Variants in DNAH17 observed in about 807,000 individuals in gnomAD.
DNAH17 encodes the protein axonemal beta dynein heavy chain 17.
A neutral mutation model predicts 485.6 loss-of-function variants in DNAH17; 376 were observed. That is an observed-to-expected ratio of 0.77 (90% CI 0.71 to 0.84). The LOEUF (loss-of-function observed/expected upper bound fraction) is 0.84. Among genes scored for constraint, DNAH17 ranks in the 40% least tolerant of loss-of-function variants. DNAH17 has a pLI of 0.00. For synonymous variants in DNAH17, 3,031 were observed against 2,405.9 expected (o/e 1.26, Z -7.60); for missense variants, 6,370 against 5,839.3 (o/e 1.09, Z -2.96).
intron 55 of DNAH17, among the ~76,000 whole-genome samples, 176 bp from the exon 56 acceptor site, chr17:78,466,992 G>C (rs115165105): frequency 6.6e-6 from 1 of 152,216 alleles, no homozygotes; most frequent in Non-Finnish European, 1.5e-5. Flanking sequence ...CATTGCCGTG[G>C]ATAAATGCTC....
intron 74 of DNAH17, among the ~76,000 whole-genome samples, chr17:78,436,109 A>G (rs1334304132): frequency 6.6e-6 from 1 of 152,202 alleles, no homozygotes; most frequent in Non-Finnish European, 1.5e-5. Flanking sequence ...CCATAAGTAG[A>G]TCTTTGTTAA....
At chr17:78,501,511 G>A (rs561724509) in intron 34 of DNAH17, 167 bp from the exon 35 acceptor site, 24 of 997,754 alleles carry the variant, frequency 2.4e-5, no homozygotes, top group South Asian at 1.7e-5. Context: ...ACCCTCAGTG[G>A]AATCTCGCTA....
At position 78,446,164 on chromosome 17, in the gene DNAH17, ACT is replaced by A. The variant is rs1262993311; in HGVS notation, c.11212-486_11212-485del. ...GCTCTAGCCTGGGCAACAGAGTGAG[ACT>A]CTGTCTCAAAAAAAAAAAAAAAAAA... On this transcript the variant is annotated intron_variant, in intron 69 of 80. Transcript: ENST00000389840. 1.5e-4 allele frequency among the ~76,000 whole-genome samples: 12 copies of A among 81,308 alleles called. No individual in the cohort carries two copies. In the South Asian group the frequency reaches 2.2e-3, roughly 15 times the overall value. The allele number at this position is 81,308 out of a possible 152,430, so 53.3% of individuals were successfully genotyped here.
intron 36 of DNAH17, 116 bp downstream of exon 36, chr17:78,500,189 C>T (rs767534424): frequency 1.5e-4 from 175 of 1,200,364 alleles, no homozygotes; most frequent in Non-Finnish European, 1.9e-4. Context: ...TCTCCAGTGC[C>T]ATTCACAGGT....
intron 25 of DNAH17, among the ~76,000 whole-genome samples, chr17:78,524,619 G>GT (rs199832824): frequency 1.3e-5 from 2 of 150,972 alleles, no homozygotes; most frequent in African/African-American, 4.9e-5. Flanking sequence ...GGAATAAAAT[G>GT]TTGTTTATGA....
intron 6 of DNAH17, 28 bp from the exon 7 acceptor site, chr17:78,570,400 G>A (rs2092334743): frequency 6.2e-7 from 1 of 1,601,848 alleles, no homozygotes; most frequent in Admixed American, 1.7e-5. Flanking sequence ...CAGGCACACT[G>A]GAGGGGACTG....
intron 29 of DNAH17, 134 bp from the exon 30 acceptor site, chr17:78,506,980 A>C (rs904277748): frequency 2.3e-6 from 3 of 1,324,142 alleles, no homozygotes; most frequent in Non-Finnish European, 2.1e-6. Context: ...GGTTTAATTC[A>C]GAATCTCCTA....
At position 78,511,118 on chromosome 17, in the gene DNAH17, T is replaced by TTTTC. The variant is rs1186359806; in HGVS notation, c.4114-616_4114-613dup. ...AGCACTGTGAGAAAACACAGGTCTG[T>TTTTC]TTTCTTTCTTTCTTTTGAGACAGAG... On this transcript the variant is annotated intron_variant, in intron 26 of 80. Coordinates refer to ENST00000389840, the MANE Select transcript of DNAH17 (RefSeq NM_173628.4). Among the ~76,000 whole-genome samples the TTTTC allele has an allele frequency of 2.0e-5, 3 of 152,240 alleles. No individual in the cohort carries two copies. In the East Asian group the frequency reaches 5.8e-4, roughly 29 times the overall value.
chr17:78,520,140 A>G (rs1568189821), intron 25 of DNAH17, among the ~76,000 whole-genome samples: 1 of 152,164 alleles, frequency 6.6e-6, no homozygotes. Flanking sequence ...GTAATCAATT[A>G]TCTTAGCAGA....
At chr17:78,560,983 G>C (rs1386101312) in intron 12 of DNAH17, 48 bp from the exon 13 acceptor site, 1 of 1,508,380 alleles carries the variant, frequency 6.6e-7, no homozygotes. Context: ...TCTCCTGTGG[G>C]GTGTCTTCGG....
intron 17 of DNAH17, among the ~76,000 whole-genome samples, chr17:78,540,247 G>A (rs1168895424): frequency 7.1e-6 from 1 of 141,172 alleles, no homozygotes; most frequent in Non-Finnish European, 1.5e-5. Flanking sequence ...CCCTTTTGAT[G>A]CCCAAATTCA....
intron 49 of DNAH17, among the ~76,000 whole-genome samples, chr17:78,480,052 A>T (rs72925865): frequency 2.5e-5 from 2 of 81,242 alleles, no homozygotes; most frequent in African/African-American, 3.6e-5. Flanking sequence ...TTTTTTTTAA[A>T]AAAAGTATGT....
chr17:78,569,865 C>T (rs973436816), intron 7 of DNAH17, among the ~76,000 whole-genome samples: 20 of 152,116 alleles, frequency 1.3e-4, no homozygotes, highest in Admixed American at 1.3e-3. Context: ...CCCTTCAGCT[C>T]GAACGCCATG....
At chr17:78,530,213 T>C in intron 21 of DNAH17, 130 bp downstream of exon 21, 2 of 1,179,978 alleles carry the variant, frequency 1.7e-6, no homozygotes, top group African/African-American at 1.5e-5. Flanking sequence ...TAGTTGGCCT[T>C]GAAGCCCAGC....
At chr17:78,505,194 G>C (rs2090447459) in intron 31 of DNAH17, 99 bp downstream of exon 31, 1 of 1,500,724 alleles carries the variant, frequency 6.7e-7, no homozygotes, top group African/African-American at 1.4e-5. Flanking sequence ...AGCTGCACAG[G>C]GTGCTGGTTC....
rs563854818 is a variant in DNAH17, at chr17:78,458,371, G to C, written c.9977+194C>G. Reference sequence around the variant, plus strand: ...TGGGTTACTTGGAACCACGCGACAGGGCATATTTTGTGGAGGCCACTGACT... The same window carrying C: ...TGGGTTACTTGGAACCACGCGACAGCGCATATTTTGTGGAGGCCACTGACT... On this transcript the variant is annotated intron_variant, in intron 62 of 80. Coordinates refer to ENST00000389840, the MANE Select transcript of DNAH17 (RefSeq NM_173628.4). 74 of 599,662 alleles carry C rather than the reference G, an allele frequency of 1.2e-4. No individual in the cohort carries two copies. In the African/African-American group the frequency reaches 1.3e-3, roughly 10 times the overall value. The allele number at this position is 599,662 out of a possible 1,614,324, so 37.1% of individuals were successfully genotyped here.
Position 78,441,080 on chromosome 17 carries a change from A to G in DNAH17, c.11648T>C (p.Val3883Ala), listed in dbSNP as rs868769057. 1 of 1,607,330 alleles carries G rather than the reference A, an allele frequency of 6.2e-7. No individual in the cohort carries two copies. Among genetic ancestry groups the G allele is most frequent in the Non-Finnish European group, 8.5e-7 (1 of 1,176,944 alleles). ...GGCTTCCACGTCTTTCAAGGGGTCA[A>G]CCCCCGGGGAGAGGATGAAGAAGAT... Reference protein sequence around the residue: ...TSIFFILSPGVDPLKDVEALG... With the variant: ...TSIFFILSPGADPLKDVEALG... The change falls in exon 72 of 81, where the codon GTT becomes GCT. Residue 3883 changes from valine (V) to alanine (A), a missense_variant. Transcript: ENST00000389840.
At chr17:78,558,473 CATCACCCTCATGGGTGGAT>C (rs2092077055) in intron 13 of DNAH17, among the ~76,000 whole-genome samples, 1 of 148,214 alleles carries the variant, frequency 6.7e-6, no homozygotes, top group African/African-American at 2.6e-5. Flanking sequence ...GGGTGGATGA[CATCACCCTCATGGGTGGAT>C]GACATCACCC....
chr17:78,501,668 GTCCCTGAATGCACT>G, intron 34 of DNAH17, 60 bp downstream of exon 34: 2 of 1,557,054 alleles, frequency 1.3e-6, no homozygotes, highest in Non-Finnish European at 1.7e-6. Flanking sequence ...AGGGTCTGAA[GTCCCTGAATGCACT>G]GCCCTGAACC....
Sources: gnomAD v4.1 joint callset for allele counts (sites outside exome capture counted in the v4.1 genomes callset) on GRCh38, gnomAD v4.1.1 for gene constraint, MANE v1.5 for transcripts, NCBI Gene and HGNC (gene_info 2026-07-23, HGNC 2026-07-21) for gene names.